The following NEURL1 variants were observed in gnomAD, a reference collection of about 807,000 sequenced individuals.
The protein encoded by NEURL1 is E3 ubiquitin-protein ligase NEURL1.
Under a neutral mutation model 41.2 loss-of-function variants are expected in NEURL1, and 26 were observed. The ratio of observed to expected loss-of-function variants is 0.63; its 90% CI spans 0.46 to 0.87. The LOEUF is 0.87. Ranked by LOEUF, NEURL1 falls within the 40% of genes least tolerant of loss-of-function variation. The pLI is 0.00. For missense variants in NEURL1, 761 were observed against 871.1 expected (o/e 0.87, Z 1.59); for synonymous variants, 400 against 402.3 (o/e 0.99, Z 0.07).
chr10:103,567,674 C>T (rs2035454847), intron 1 of NEURL1, among the ~76,000 whole-genome samples: 1 of 152,238 alleles, frequency 6.6e-6, no homozygotes, highest in South Asian at 2.1e-4. Flanking sequence ...GCTGGGATTA[C>T]AGGTGTGAGC....
intron 1 of NEURL1, among the ~76,000 whole-genome samples, chr10:103,559,289 G>A (rs535489607): frequency 6.6e-5 from 10 of 152,294 alleles, no homozygotes; most frequent in African/African-American, 2.4e-4. Flanking sequence ...CACCTGGCTC[G>A]TGCCTGTGGG....
chr10:103,581,260 G>C (rs1471281704), intron 3 of NEURL1, among the ~76,000 whole-genome samples: 1 of 152,098 alleles, frequency 6.6e-6, no homozygotes, highest in African/African-American at 2.4e-5. Context: ...TTTAAACCTA[G>C]GCCTGATCCA....
intron 1 of NEURL1, among the ~76,000 whole-genome samples, chr10:103,513,517 C>T (rs1482575595): frequency 3.3e-5 from 5 of 152,240 alleles, no homozygotes; most frequent in African/African-American, 1.2e-4. Context: ...CAGCCCCTGC[C>T]AGGTTCACAG....
intron 3 of NEURL1, among the ~76,000 whole-genome samples, 155 bp from the exon 4 acceptor site, chr10:103,584,379 GTT>G (rs2035850478): frequency 6.6e-6 from 1 of 152,186 alleles, no homozygotes; most frequent in Non-Finnish European, 1.5e-5. Context: ...TGCAAGAGTC[GTT>G]TCTTGACTGT....
intron 1 of NEURL1, among the ~76,000 whole-genome samples, chr10:103,567,212 G>A (rs558661056): frequency 1.1e-4 from 16 of 152,074 alleles, no homozygotes; most frequent in Non-Finnish European, 2.4e-4. Context: ...TCGAACTCCT[G>A]ACCTCAAGTG....
chr10:103,585,067 A>T lies in NEURL1; in HGVS notation c.1181A>T (p.His394Leu), dbSNP rs775335983. The change falls in exon 4 of 6, where the codon CAC becomes CTC. Residue 394 changes from histidine (H) to leucine (L), a missense_variant. Coordinates refer to ENST00000369780, the MANE Select transcript of NEURL1 (RefSeq NM_004210.5). ...GTGTGCCGCGTGCCCGGGCCCCTGC[A>T]CAGCGGCGACATCCTGGGCCTGGTG... ...WAVCRVPGPL[H>L]SGDILGLVVN... 1 of 1,590,716 alleles carries T rather than the reference A, an allele frequency of 6.3e-7. No homozygotes were observed. Among genetic ancestry groups the T allele is most frequent in the South Asian group, 1.1e-5 (1 of 89,562 alleles).
chr10:103,568,896 C>A (rs2035481340), intron 1 of NEURL1, among the ~76,000 whole-genome samples: 1 of 152,172 alleles, frequency 6.6e-6, no homozygotes, highest in Admixed American at 6.5e-5. Context: ...CTCACTGCAA[C>A]CTCCACCTTC....
At chr10:103,580,184 G>C (rs1181802806) in intron 3 of NEURL1, among the ~76,000 whole-genome samples, 1 of 152,124 alleles carries the variant, frequency 6.6e-6, no homozygotes, top group Non-Finnish European at 1.5e-5. Flanking sequence ...CCAGGGTGTT[G>C]GTAGAGCCAC....
At chr10:103,501,872 G>A (rs1032659423) in intron 1 of NEURL1, among the ~76,000 whole-genome samples, 1 of 152,110 alleles carries the variant, frequency 6.6e-6, no homozygotes, top group Non-Finnish European at 1.5e-5. Flanking sequence ...GACCTCAGGA[G>A]GTCTGCCCGT....
chr10:103,538,678 G>A (rs533412020), intron 1 of NEURL1, among the ~76,000 whole-genome samples: 2 of 137,730 alleles, frequency 1.5e-5, no homozygotes, highest in East Asian at 4.3e-4. Context: ...ATGGTGTCTC[G>A]CTCTGACGCC....
intron 1 of NEURL1, among the ~76,000 whole-genome samples, chr10:103,502,233 CTT>C (rs1405772825): frequency 6.6e-6 from 1 of 152,216 alleles, no homozygotes; most frequent in Non-Finnish European, 1.5e-5. Flanking sequence ...TATTAGGACT[CTT>C]TTCCTGGGCC....
chr10:103,585,161 C>T lies in NEURL1; in HGVS notation c.1275C>T (p.Asp425=). The T allele has an allele frequency of 1.9e-6, 3 of 1,589,680 alleles. No homozygotes were observed. The South Asian group carries it at 3.4e-5, about 18-fold the overall frequency. Residue 425 remains aspartate, a synonymous_variant, in exon 4 of 6, where the codon GAC becomes GAT. Coordinates refer to ENST00000369780, the MANE Select transcript of NEURL1 (RefSeq NM_004210.5). ...CCGCCGGCATGCAGCTGTGCGTGGACGCCTCGCAGCCGCTTTGGATGCTCT... is the reference window on the plus strand; with the variant it reads ...CCGCCGGCATGCAGCTGTGCGTGGATGCCTCGCAGCCGCTTTGGATGCTCT... ...GAAAGMQLCV[D]ASQPLWMLFG...
Position 103,589,499 on chromosome 10 carries a change from C to G in NEURL1, c.1340-15C>G. On this transcript the variant is annotated splice_polypyrimidine_tract_variant and intron_variant, in intron 4 of 5. Transcript: ENST00000369780. ...CAGGCAGCTAGTGTGTCCTTCCCTC[C>G]CTCCCCTTTCACAGGCTCCACTATC... The G allele has an allele frequency of 2.5e-6, 4 of 1,582,640 alleles. No homozygotes were observed. Among genetic ancestry groups the G allele is most frequent in the Non-Finnish European group, 3.4e-6 (4 of 1,162,462 alleles).
intron 1 of NEURL1, among the ~76,000 whole-genome samples, chr10:103,498,367 C>CA (rs1325043406): frequency 6.6e-6 from 1 of 152,190 alleles, no homozygotes; most frequent in Admixed American, 6.5e-5. Flanking sequence ...GCTGGGACTA[C>CA]AGGCGCCCGC....
At chr10:103,579,087 G>A (rs1592238373) in intron 3 of NEURL1, among the ~76,000 whole-genome samples, 1 of 152,310 alleles carries the variant, frequency 6.6e-6, no homozygotes, top group African/African-American at 2.4e-5. Context: ...GGTCCCCCAC[G>A]CCCAGGTCCT....
chr10:103,512,669 C>T (rs186747238), intron 1 of NEURL1, among the ~76,000 whole-genome samples: 22 of 152,214 alleles, frequency 1.4e-4, no homozygotes, highest in South Asian at 6.2e-4. Flanking sequence ...CTGTGCTGCT[C>T]GGCAGTTTCC....
intron 1 of NEURL1, among the ~76,000 whole-genome samples, chr10:103,544,193 C>T (rs1032490807): frequency 7.2e-5 from 11 of 152,262 alleles, no homozygotes; most frequent in African/African-American, 2.6e-4. Flanking sequence ...GAGAAGGACA[C>T]GGTGACCTCT....
At chr10:103,511,484 T>A (rs2034070856) in intron 1 of NEURL1, among the ~76,000 whole-genome samples, 1 of 152,252 alleles carries the variant, frequency 6.6e-6, no homozygotes, top group Non-Finnish European at 1.5e-5. Context: ...TAGAATGCAC[T>A]GTAGCCAAGG....
chr10:103,500,103 T>TC (rs1293301309), intron 1 of NEURL1, among the ~76,000 whole-genome samples: 19 of 152,290 alleles, frequency 1.2e-4, no homozygotes, highest in Admixed American at 7.2e-4. Context: ...CCTGGTGGCC[T>TC]CCTCAGAGTG....
Sources: gnomAD v4.1 joint callset for allele counts (sites outside exome capture counted in the v4.1 genomes callset) on GRCh38, gnomAD v4.1.1 for gene constraint, MANE v1.5 for transcripts, NCBI Gene and HGNC (gene_info 2026-07-23, HGNC 2026-07-21) for gene names.